The following HSPA4 variants were observed in gnomAD, a reference collection of about 807,000 sequenced individuals.
HSPA4 encodes the protein heat shock 70 kDa protein 4.
HSPA4 carries 25 observed loss-of-function variants against 106.2 expected under a neutral mutation model. That is an observed-to-expected ratio of 0.24 (90% CI 0.17 to 0.33). HSPA4 has a LOEUF of 0.33. Ranked by LOEUF, HSPA4 falls within the 10% of genes least tolerant of loss-of-function variation. The probability of loss-of-function intolerance (pLI) is 1.00; values close to 1 mark genes in which losing one functional copy is unlikely to be tolerated. For synonymous variants in HSPA4, 332 were observed against 333.6 expected (o/e 1.00, Z 0.05); for missense variants, 841 against 996.0 (o/e 0.84, Z 2.10).
At chr5:133,073,440 G>GCTTA in intron 5 of HSPA4, 111 bp downstream of exon 5, 1 of 679,538 alleles carries the variant, frequency 1.5e-6, no homozygotes, top group Non-Finnish European at 2.6e-6. Flanking sequence ...TGCTGCTCTT[G>GCTTA]CTTACCACTG....
intron 16 of HSPA4, among the ~76,000 whole-genome samples, chr5:133,099,898 C>T (rs1765763640): frequency 6.6e-6 from 1 of 152,108 alleles, no homozygotes; most frequent in Non-Finnish European, 1.5e-5. Flanking sequence ...TTAGTGCATT[C>T]TTGGTGTCAA....
intron 1 of HSPA4, among the ~76,000 whole-genome samples, chr5:133,059,373 G>A (rs943458558): frequency 3.1e-4 from 47 of 150,196 alleles, no homozygotes; most frequent in Non-Finnish European, 3.6e-4. Context: ...ACTTGAACCC[G>A]GGAGGCAGAG....
chr5:133,103,945 T>C lies in HSPA4; in HGVS notation c.2238T>C (p.Asn746=). The change falls in exon 18 of 19, where the codon AAT becomes AAC. Residue 746 remains asparagine, a synonymous_variant. Coordinates refer to ENST00000304858, the MANE Select transcript of HSPA4 (RefSeq NM_002154.4). ...KSTNEAMEWM[N]NKLNLQNKQS... is the part of the protein sequence containing the mutation. ...CAAATGAAGCAATGGAGTGGATGAATAACAAGCTAAATCTGCAGAACAAGC... is the reference window on the plus strand; with the variant it reads ...CAAATGAAGCAATGGAGTGGATGAACAACAAGCTAAATCTGCAGAACAAGC... 6.2e-7 allele frequency: 1 copy of C among 1,613,986 alleles called. No homozygotes were observed. Among genetic ancestry groups the C allele is most frequent in the Non-Finnish European group, 8.5e-7 (1 of 1,179,922 alleles).
At chr5:133,096,819 T>C (rs1765717278) in intron 14 of HSPA4, among the ~76,000 whole-genome samples, 1 of 152,258 alleles carries the variant, frequency 6.6e-6, no homozygotes. Context: ...ACTGCGTGAA[T>C]GAATTTGATT....
chr5:133,058,727 T>G (rs1320839911), intron 1 of HSPA4, among the ~76,000 whole-genome samples: 1 of 151,598 alleles, frequency 6.6e-6, no homozygotes, highest in Non-Finnish European at 1.5e-5. Flanking sequence ...GTGTGGTGGT[T>G]TACATCTGTA....
At chr5:133,077,130 T>C (rs1765455309) in intron 7 of HSPA4, among the ~76,000 whole-genome samples, 1 of 152,230 alleles carries the variant, frequency 6.6e-6, no homozygotes, top group African/African-American at 2.4e-5. Context: ...ATGTTGATAG[T>C]TCTTTACATA....
chr5:133,097,911 GTT>G (rs1315201113), intron 15 of HSPA4, among the ~76,000 whole-genome samples: 3 of 141,478 alleles, frequency 2.1e-5, no homozygotes, highest in Admixed American at 7.1e-5. Flanking sequence ...AGAATTTTTA[GTT>G]TTTTTTTTTT....
chr5:133,104,273 A>C lies in HSPA4; in HGVS notation c.2360A>C (p.Lys787Thr). 1 of 1,614,212 alleles carries C rather than the reference A, an allele frequency of 6.2e-7. No individual in the cohort carries two copies. Among genetic ancestry groups the C allele is most frequent in the Non-Finnish European group, 8.5e-7 (1 of 1,180,036 alleles). ...TGTAGCCCTATAATTTCAAAGCCCA[A>C]ACCCAAAGTGGAACCTCCAAAAGAG... ...STCSPIISKPKPKVEPPKEEQ... is the reference protein window; with the variant it reads ...STCSPIISKPTPKVEPPKEEQ... Residue 787 changes from lysine (K) to threonine (T), a missense_variant, in exon 19 of 19, where the codon AAA becomes ACA. Physicochemically the swap from Lys to Thr is moderately conservative, Grantham distance 78. Transcript: ENST00000304858.
chr5:133,089,579 C>G lies in HSPA4; in HGVS notation c.1262C>G (p.Ser421Cys), dbSNP rs1172188343. The G allele has an allele frequency of 1.1e-5, 18 of 1,612,868 alleles. No individual in the cohort carries two copies. The highest frequency in any genetic ancestry group is 2.7e-5 in the African/African-American group (2 of 74,762). ...EEGSSDCEVF[S>C]KNHAAPFSKV... ...CCATTCAGTGACTGTGAAGTCTTTTCCAAAAATCATGCTGCTCCTTTCTCT... is the reference window on the plus strand; with the variant it reads ...CCATTCAGTGACTGTGAAGTCTTTTGCAAAAATCATGCTGCTCCTTTCTCT... The change falls in exon 11 of 19, where the codon TCC becomes TGC. Residue 421 changes from serine to cysteine, a missense_variant. Ser to Cys is a moderately radical substitution (Grantham distance 112). Around this residue, in one of 5 missense-constraint regions of HSPA4, gnomAD observed 162 missense variants for 177.7 expected, o/e 0.91. Coordinates refer to ENST00000304858, the MANE Select transcript of HSPA4 (RefSeq NM_002154.4).
At chr5:133,083,911 C>T (rs763244744) in intron 7 of HSPA4, among the ~76,000 whole-genome samples, 1 of 152,002 alleles carries the variant, frequency 6.6e-6, no homozygotes, top group Non-Finnish European at 1.5e-5. Flanking sequence ...AAATTGCGGA[C>T]ATCTATAAAT....
At chr5:133,095,323 T>C (rs1447095065) in intron 13 of HSPA4, among the ~76,000 whole-genome samples, 1 of 151,904 alleles carries the variant, frequency 6.6e-6, no homozygotes, top group Non-Finnish European at 1.5e-5. Flanking sequence ...CAAAAAAAAC[T>C]AGAAGAGTCA....
Position 133,092,724 on chromosome 5 carries a change from C to G in HSPA4, c.1585C>G (p.Pro529Ala), listed in dbSNP as rs1765660807. 1.2e-6 allele frequency: 2 copies of G among 1,609,634 alleles called. No individual in the cohort carries two copies. Among genetic ancestry groups the G allele is most frequent in the Admixed American group, 3.4e-5 (2 of 59,574 alleles). Residue 529 changes from proline (P) to alanine (A), a missense_variant, in exon 13 of 19, where the codon CCA becomes GCA. Transcript: ENST00000304858. ...EEKMQVDQEE[P>A]HVEEQQQQTP... is the part of the protein sequence containing the mutation. ...GAAGATGCAAGTGGACCAGGAGGAA[C>G]CACATGTTGAAGAGCAACAGCAGCA... is the stretch of plus-strand genomic sequence containing the variant.
At chr5:133,064,289 T>C (rs779615366) in intron 1 of HSPA4, among the ~76,000 whole-genome samples, 2 of 152,204 alleles carry the variant, frequency 1.3e-5, no homozygotes, top group Non-Finnish European at 1.5e-5. Context: ...GTGAATCATC[T>C]GAGGTCAGGA....
chr5:133,055,326 T>TAA (rs1436793520), intron 1 of HSPA4, among the ~76,000 whole-genome samples: 1 of 146,370 alleles, frequency 6.8e-6, no homozygotes, highest in South Asian at 2.2e-4. Context: ...TTTTTTTTTT[T>TAA]TTTTTTTTTT....
chr5:133,073,188 T>G lies in HSPA4; in HGVS notation c.430-42T>G, dbSNP rs770153298. On this transcript the variant is annotated intron_variant, in intron 4 of 18. Coordinates refer to ENST00000304858, the MANE Select transcript of HSPA4 (RefSeq NM_002154.4). ...GTTCCTGGATTTTACTAACTAAAAT[T>G]AGAATCTATAATACAGTAAGCATTC... 35 of 1,247,868 alleles carry G rather than the reference T, an allele frequency of 2.8e-5. No homozygotes were observed. The South Asian group carries it at 4.6e-4, about 16-fold the overall frequency. 77.3% of individuals were successfully genotyped at this position (1,247,868 alleles called of 1,614,324 possible).
chr5:133,056,822 A>G (rs758754538), intron 1 of HSPA4, among the ~76,000 whole-genome samples: 2 of 152,250 alleles, frequency 1.3e-5, no homozygotes, highest in Non-Finnish European at 2.9e-5. Flanking sequence ...CAGTAGGAAC[A>G]GATGTGATTT....
chr5:133,086,200 G>A (rs1358570833), intron 7 of HSPA4, among the ~76,000 whole-genome samples: 2 of 152,182 alleles, frequency 1.3e-5, no homozygotes, highest in Admixed American at 1.3e-4. Context: ...GGGCAATAGA[G>A]TTAGACCCTG....
chr5:133,089,602 T>C lies in HSPA4; in HGVS notation c.1285T>C (p.Ser429Pro). Residue 429 changes from serine to proline, a missense_variant, in exon 11 of 19, where the codon TCT (serine) becomes CCT (proline). By Grantham distance (74) the Ser-to-Pro change is moderately conservative (BLOSUM62 -1). Around this residue, in one of 5 missense-constraint regions of HSPA4, gnomAD observed 162 missense variants for 177.7 expected, o/e 0.91. Transcript: ENST00000304858. ...TTCCAAAAATCATGCTGCTCCTTTC[T>C]CTAAAGTTCTTACATTTTATAGAAA... is the stretch of plus-strand genomic sequence containing the variant. Reference protein sequence around the residue: ...VFSKNHAAPFSKVLTFYRKEP... With the variant: ...VFSKNHAAPFPKVLTFYRKEP... The C allele has an allele frequency of 6.2e-7, 1 of 1,613,352 alleles. No individual in the cohort carries two copies. The highest frequency in any genetic ancestry group is 8.5e-7 in the Non-Finnish European group (1 of 1,179,364).
At position 133,099,189 on chromosome 5, in the gene HSPA4, G is replaced by A. The variant is rs140465757; in HGVS notation, c.1930-356G>A. The stretch of plus-strand genomic sequence containing the variant: ...CTGTTGCCCAGGCTGGAGTGCAGTG[G>A]CCCCATCTTGGGTCACTGCAACCTC... On this transcript the variant is annotated intron_variant, in intron 15 of 18. Coordinates refer to ENST00000304858, the MANE Select transcript of HSPA4 (RefSeq NM_002154.4). Among the ~76,000 whole-genome samples, 974 of 152,204 alleles carry A rather than the reference G, an allele frequency of 6.4e-3. 16 individuals are homozygous for A. The highest frequency in any genetic ancestry group is 0.022 in the African/African-American group (917 of 41,516).
Sources: allele counts gnomAD v4.1 joint callset (sites outside exome capture counted in the v4.1 genomes callset), GRCh38; gene constraint gnomAD v4.1.1; regional missense constraint gnomAD v4.1.1; transcripts MANE v1.5; gene names NCBI Gene and HGNC (gene_info 2026-07-23, HGNC 2026-07-21).